KCNQ1: variants seen among roughly 807,000 people sequenced by gnomAD.
KCNQ1 encodes the protein potassium voltage-gated channel subfamily Q member 1.
A neutral mutation model predicts 72.4 loss-of-function variants in KCNQ1; 49 were observed. The ratio of observed to expected loss-of-function variants is 0.68; its 90% CI spans 0.54 to 0.86. The LOEUF is 0.86. KCNQ1 is among the 40% of genes least tolerant of loss of function. KCNQ1 has a pLI of 0.00. For missense variants in KCNQ1, 790 were observed against 945.1 expected (o/e 0.84, Z 2.15); for synonymous variants, 450 against 412.6 (o/e 1.09, Z -1.10).
chr11:2,528,336 G>A (rs1349215749), intron 2 of KCNQ1, among the ~76,000 whole-genome samples: 1 of 152,194 alleles, frequency 6.6e-6, no homozygotes, highest in Non-Finnish European at 1.5e-5. Flanking sequence ...GGTGTGGCCA[G>A]CAAAGGCCTG....
At chr11:2,692,904 C>CA in intron 11 of KCNQ1, 1 of 398,358 alleles carries the variant, frequency 2.5e-6, no homozygotes, top group Non-Finnish European at 4.4e-6. Context: ...TGGCTAAAAT[C>CA]AACTGTAGCA....
rs573947995 is a variant in KCNQ1 at position 2,526,052 on chromosome 11, G to A, written c.387-1876G>A. On this transcript the variant is annotated intron_variant, in intron 1 of 15. Coordinates refer to ENST00000155840, the MANE Select transcript of KCNQ1 (RefSeq NM_000218.3). The surrounding 1 kb of genome is among the most constrained non-coding windows in gnomAD (Gnocchi z 6.1). The stretch of plus-strand genomic sequence containing the variant: ...CCTATGAGACAGGGCCCGCTGGCAG[G>A]ACCCTCAAGCTGGGCTTTTAGGCTG... 1.2e-4 allele frequency among the ~76,000 whole-genome samples: 18 copies of A among 152,332 alleles called. No individual in the cohort carries two copies. In the South Asian group the frequency reaches 3.5e-3, roughly 30 times the overall value.
chr11:2,718,194 G>A (rs905088681), intron 11 of KCNQ1, among the ~76,000 whole-genome samples: 2 of 152,192 alleles, frequency 1.3e-5, no homozygotes, highest in Non-Finnish European at 2.9e-5. Context: ...TCCCCTGACA[G>A]CTGCCTTCCT....
At chr11:2,836,300 G>A (rs1002014958) in intron 15 of KCNQ1, among the ~76,000 whole-genome samples, 2 of 152,182 alleles carry the variant, frequency 1.3e-5, no homozygotes, top group African/African-American at 4.8e-5. Context: ...AACTGCTGCT[G>A]AGCAGGAGCC....
intron 11 of KCNQ1, chr11:2,694,295 A>G (rs1850636656): frequency 2.5e-6 from 1 of 398,700 alleles, no homozygotes; most frequent in East Asian, 3.6e-5. Flanking sequence ...CCCAGTCCCA[A>G]GAGCTGTTCT....
At position 2,579,997 on chromosome 11, in the gene KCNQ1, T is replaced by G. The variant is rs1415022353; in HGVS notation, c.922-3438T>G. 1.3e-5 allele frequency among the ~76,000 whole-genome samples: 2 copies of G among 152,200 alleles called. No homozygotes were observed. The stretch of plus-strand genomic sequence containing the variant: ...TCATCATGCAGTTTCTGTATTAGAT[T>G]TTTAAATAATCAAAATATGGTATTT... On this transcript the variant is annotated intron_variant, in intron 6 of 15. Coordinates refer to ENST00000155840, the MANE Select transcript of KCNQ1 (RefSeq NM_000218.3). This position sits in a 1 kb window ranked among gnomAD's most constrained non-coding sequence, Gnocchi z 6.0.
At position 2,638,083 on chromosome 11, in the gene KCNQ1, A is replaced by G. The variant is rs529917865; in HGVS notation, c.1394-23878A>G. Reference sequence around the variant, plus strand: ...GAGCCTATGTGTGTCTCTGCACGTGAGATGGGTCTCCTGAATACAGCACAC... The same window carrying G: ...GAGCCTATGTGTGTCTCTGCACGTGGGATGGGTCTCCTGAATACAGCACAC... On this transcript the variant is annotated intron_variant, in intron 10 of 15. Transcript: ENST00000155840. 2.0e-5 allele frequency: 3 copies of G among 152,174 alleles called. No individual in the cohort carries two copies. The South Asian group carries it at 6.2e-4, about 32-fold the overall frequency. 9.4% of individuals were successfully genotyped at this position (152,174 alleles called of 1,614,324 possible).
Position 2,699,852 on chromosome 11 carries a change from G to A in KCNQ1, c.1514+37771G>A, listed in dbSNP as rs370819485. 87 of 395,382 alleles carry A rather than the reference G, an allele frequency of 2.2e-4. No homozygotes were observed. In the East Asian group the frequency reaches 2.9e-3, roughly 13 times the overall value. 24.5% of individuals were successfully genotyped at this position (395,382 alleles called of 1,614,324 possible). A position where few individuals can be genotyped will look rare whatever the true frequency, so the allele number is the denominator to read the frequency against. On this transcript the variant is annotated intron_variant, in intron 11 of 15. Coordinates refer to ENST00000155840, the MANE Select transcript of KCNQ1 (RefSeq NM_000218.3). Reference sequence around the variant, plus strand: ...ACCGAGGAGGACCGCGCTGAGGGGCGCACCGGGAGAATCGTGCTGAGGAGC... The same window carrying A: ...ACCGAGGAGGACCGCGCTGAGGGGCACACCGGGAGAATCGTGCTGAGGAGC...
rs1032495847 is a variant in KCNQ1, at chr11:2,624,990, G to A, written c.1393+36136G>A. 14 of 398,440 alleles carry A rather than the reference G, an allele frequency of 3.5e-5. No homozygotes were observed. The South Asian group carries it at 7.6e-4, about 22-fold the overall frequency. The allele number at this position is 398,440 out of a possible 1,614,324, so 24.7% of individuals were successfully genotyped here. On this transcript the variant is annotated intron_variant, in intron 10 of 15. Transcript: ENST00000155840. This position sits in a 1 kb window ranked among gnomAD's most constrained non-coding sequence, Gnocchi z 4.9. ...CATTTTGCTTATCCATTCTTCCATG[G>A]ACATTTGGGTTGCATTGATGTTTTA...
chr11:2,688,512 AGAG>A, intron 11 of KCNQ1: 1 of 398,676 alleles, frequency 2.5e-6, no homozygotes, highest in Admixed American at 4.4e-5. Context: ...GTGATGAGGT[AGAG>A]GTCACACAGC....
chr11:2,472,159 G>A (rs543294962), intron 1 of KCNQ1, among the ~76,000 whole-genome samples: 2 of 151,284 alleles, frequency 1.3e-5, no homozygotes, highest in East Asian at 3.9e-4. Context: ...TTATGTATGG[G>A]TGTGTGTGCA....
intron 11 of KCNQ1, chr11:2,688,466 C>T (rs1455037598): frequency 7.5e-6 from 3 of 398,598 alleles, no homozygotes; most frequent in African/African-American, 6.2e-5. Flanking sequence ...AGGAGAACAC[C>T]ACACTGAGGC....
In KCNQ1 at chr11:2,624,961, A is replaced by G. The variant is rs1849240564; in HGVS notation, c.1393+36107A>G. 2.5e-6 allele frequency: 1 copy of G among 398,566 alleles called. No individual in the cohort carries two copies. Among genetic ancestry groups the G allele is most frequent in the Non-Finnish European group, 4.4e-6 (1 of 226,054 alleles). 24.7% of individuals were successfully genotyped at this position (398,566 alleles called of 1,614,324 possible). On this transcript the variant is annotated intron_variant, in intron 10 of 15. Transcript: ENST00000155840. The surrounding 1 kb of genome is among the most constrained non-coding windows in gnomAD (Gnocchi z 4.9). ...GAATAATATTACATTGTATGTATATACCACATTTTGCTTATCCATTCTTCC... is the reference window on the plus strand; with the variant it reads ...GAATAATATTACATTGTATGTATATGCCACATTTTGCTTATCCATTCTTCC...
rs866652785 is a variant in KCNQ1 at position 2,667,203 on chromosome 11, G to A, written c.1514+5122G>A. On this transcript the variant is annotated intron_variant, in intron 11 of 15. Transcript: ENST00000155840. ...ATCAGCCCAGCTGTGGCGGCCCCCC[G>A]TGGCCCCCTAACCTTTCCAAACTTC... 3.8e-5 allele frequency: 15 copies of A among 398,560 alleles called. 1 individual carries two copies. The South Asian group carries it at 5.1e-4, about 14-fold the overall frequency. 24.7% of individuals were successfully genotyped at this position (398,560 alleles called of 1,614,324 possible).
rs953457118 is a variant in KCNQ1, at chr11:2,759,081, C to T, written c.1515-9763C>T. ...GCAAGGTGTGACCGTCGCGAACTCA[C>T]GTAGAGGGCATACAGGACCTCTTGG... is the stretch of plus-strand genomic sequence containing the variant. On this transcript the variant is annotated intron_variant, in intron 11 of 15. Coordinates refer to ENST00000155840, the MANE Select transcript of KCNQ1 (RefSeq NM_000218.3). This position sits in a 1 kb window ranked among gnomAD's most constrained non-coding sequence, Gnocchi z 4.4. 2.0e-5 allele frequency among the ~76,000 whole-genome samples: 3 copies of T among 151,388 alleles called. No homozygotes were observed. The highest frequency in any genetic ancestry group is 2.4e-5 in the African/African-American group (1 of 41,124).
intron 11 of KCNQ1, among the ~76,000 whole-genome samples, chr11:2,731,795 T>C (rs1456837172): frequency 2.0e-5 from 3 of 152,240 alleles, no homozygotes; most frequent in Non-Finnish European, 4.4e-5. Context: ...TCCCAGCTCT[T>C]CCGGGTGGAA....
intron 10 of KCNQ1, chr11:2,650,605 GTACTTACTCCTC>G (rs1849742207): frequency 2.5e-6 from 1 of 398,432 alleles, no homozygotes; most frequent in Non-Finnish European, 4.4e-6. Context: ...CTCCTTAGAG[GTACTTACTCCTC>G]TATTTTTGCT....
At chr11:2,795,059 A>G (rs1469211513) in intron 15 of KCNQ1, among the ~76,000 whole-genome samples, 1 of 152,160 alleles carries the variant, frequency 6.6e-6, no homozygotes, top group Non-Finnish European at 1.5e-5. Flanking sequence ...GCGGGGGTCC[A>G]AGGGGTCTTC....
chr11:2,461,204 G>C (rs1162981378), intron 1 of KCNQ1, among the ~76,000 whole-genome samples: 1 of 152,214 alleles, frequency 6.6e-6, no homozygotes, highest in Non-Finnish European at 1.5e-5. Context: ...GATCAGGTGT[G>C]TGGGGCTCGG....
Sources: gnomAD v4.1 joint callset for allele counts (sites outside exome capture counted in the v4.1 genomes callset) on GRCh38, gnomAD v4.1.1 for gene constraint, Gnocchi (gnomAD v3.1) non-coding constraint, MANE v1.5 for transcripts, NCBI Gene and HGNC (gene_info 2026-07-23, HGNC 2026-07-21) for gene names.